The following CELF2 variants were observed in gnomAD, a reference collection of about 807,000 sequenced individuals.
CELF2 encodes the protein CUGBP Elav-like family member 2.
Under a neutral mutation model 62.6 loss-of-function variants are expected in CELF2, and 8 were observed. That is an observed-to-expected ratio of 0.13 (90% confidence interval 0.07 to 0.23). The LOEUF (loss-of-function observed/expected upper bound fraction) is 0.23. Ranked by LOEUF, CELF2 falls within the 10% of genes least tolerant of loss-of-function variation. CELF2 has a pLI of 1.00. For synonymous variants in CELF2, 258 were observed against 250.0 expected, an observed-to-expected ratio of 1.03 and a Z score of -0.30; for missense variants, 333 against 671.0, an observed-to-expected ratio of 0.50 and a Z score of 5.56.
chr10:10,827,385 A>G (rs1016307500), intron 1 of CELF2, among the ~76,000 whole-genome samples: 9 of 152,158 alleles, frequency 5.9e-5, no homozygotes, highest in African/African-American at 2.2e-4. Flanking sequence ...CCTTCTGAGG[A>G]TAAGTAGGGA....
At chr10:10,879,895 C>T (rs958046376) in intron 1 of CELF2, among the ~76,000 whole-genome samples, 11 of 152,302 alleles carry the variant, frequency 7.2e-5, no homozygotes, top group African/African-American at 2.4e-4. Context: ...ACAGTAATGG[C>T]ATCACGGAGG....
the CELF2 span, among the ~76,000 whole-genome samples, chr10:10,653,575 G>T: frequency 7.7e-6 from 1 of 129,754 alleles, no homozygotes; most frequent in African/African-American, 2.9e-5. Context: ...ACTCAAAACC[G>T]CTCAACTACA....
chr10:10,500,307 A>G, the CELF2 span, among the ~76,000 whole-genome samples: 2 of 152,196 alleles, frequency 1.3e-5, no homozygotes, highest in Non-Finnish European at 2.9e-5. Flanking sequence ...TTTTCCCCTA[A>G]TAGTAACATC....
At chr10:11,197,753 G>A (rs1287693270) in intron 2 of CELF2, among the ~76,000 whole-genome samples, 1 of 152,218 alleles carries the variant, frequency 6.6e-6, no homozygotes, top group African/African-American at 2.4e-5. Flanking sequence ...TTGGGTGCAT[G>A]TATGCAAAAT....
chr10:11,317,742 C>T (rs2095133249), intron 10 of CELF2: 1 of 152,240 alleles, frequency 6.6e-6, no homozygotes, highest in East Asian at 1.9e-4. Flanking sequence ...TCAGTCATCT[C>T]CCAGCTCCTG....
At chr10:10,988,792 G>A (rs980295672) in intron 2 of CELF2, among the ~76,000 whole-genome samples, 1 of 152,146 alleles carries the variant, frequency 6.6e-6, no homozygotes, top group Non-Finnish European at 1.5e-5. Flanking sequence ...TTGGGTAAGA[G>A]ATGAGCAAGG....
At chr10:10,775,410 A>G in the CELF2 span, among the ~76,000 whole-genome samples, 5 of 151,774 alleles carry the variant, frequency 3.3e-5, no homozygotes, top group Non-Finnish European at 5.9e-5. Flanking sequence ...GCAGGCAATG[A>G]CTTCAGATCA....
intron 1 of CELF2, among the ~76,000 whole-genome samples, chr10:10,869,522 C>T (rs2060599804): frequency 6.6e-6 from 1 of 151,992 alleles, no homozygotes; most frequent in Non-Finnish European, 1.5e-5. Flanking sequence ...AGATCACCAC[C>T]CCACTGCACT....
intron 3 of CELF2, among the ~76,000 whole-genome samples, chr10:11,225,200 T>C (rs746486241): frequency 3.9e-5 from 6 of 152,252 alleles, no homozygotes; most frequent in Non-Finnish European, 7.4e-5. Flanking sequence ...CAGTAAACGG[T>C]GCGTGTGGAG....
the CELF2 span, among the ~76,000 whole-genome samples, chr10:10,759,248 C>G: frequency 1.3e-5 from 2 of 151,208 alleles, no homozygotes; most frequent in Non-Finnish European, 2.9e-5. Flanking sequence ...ATAAAGCAGG[C>G]ATCTCTGAGT....
In CELF2 at chr10:11,165,737, T is replaced by TG; in HGVS notation, c.271+59dup. ...CGTCCAGGTGGGCGTCGCGGGGCACTGGGGCTGTCCGAGCCCCCAGCCTGC... is the reference window on the plus strand; with the variant it reads ...CGTCCAGGTGGGCGTCGCGGGGCACTGGGGGCTGTCCGAGCCCCCAGCCTGC... On this transcript the variant is annotated intron_variant, in intron 2 of 12. Transcript: ENST00000633077. This position sits in a 1 kb window ranked among gnomAD's most constrained non-coding sequence, Gnocchi z 7.4. 1 of 1,509,200 alleles carries TG rather than the reference T, an allele frequency of 6.6e-7. No individual in the cohort carries two copies. Among genetic ancestry groups the TG allele is most frequent in the East Asian group, 2.4e-5 (1 of 41,536 alleles). The allele number at this position is 1,509,200 out of a possible 1,614,324, so 93.5% of individuals were successfully genotyped here. A position where few individuals can be genotyped will look rare whatever the true frequency, so the allele number is the denominator to read the frequency against.
At chr10:11,112,447 A>G (rs578241615) in intron 1 of CELF2, among the ~76,000 whole-genome samples, 1 of 152,238 alleles carries the variant, frequency 6.6e-6, no homozygotes, top group Non-Finnish European at 1.5e-5. Context: ...GTACACACAT[A>G]CACAGTACAC....
chr10:10,521,889 T>C, the CELF2 span, among the ~76,000 whole-genome samples: 1 of 152,190 alleles, frequency 6.6e-6, no homozygotes, highest in Admixed American at 6.5e-5. Flanking sequence ...ACCAGGGAAC[T>C]CTACATACTC....
intron 1 of CELF2, among the ~76,000 whole-genome samples, chr10:10,910,356 T>C (rs1033909041): frequency 6.6e-6 from 1 of 152,140 alleles, no homozygotes. Context: ...AAAAATACAC[T>C]TCTGTTGGTT....
chr10:10,964,994 G>T (rs1174500482), intron 2 of CELF2, among the ~76,000 whole-genome samples: 1 of 152,002 alleles, frequency 6.6e-6, no homozygotes, highest in Non-Finnish European at 1.5e-5. Context: ...AAAAAACTGT[G>T]CAGTCATTGT....
At chr10:11,171,741 A>G (rs1013368384) in intron 2 of CELF2, among the ~76,000 whole-genome samples, 11 of 152,236 alleles carry the variant, frequency 7.2e-5, no homozygotes, top group Admixed American at 7.2e-4. Context: ...AGTAGAAATA[A>G]TACCCACTTC....
chr10:11,178,835 T>C lies in CELF2; in HGVS notation c.271+13153T>C, dbSNP rs552225454. Among the ~76,000 whole-genome samples the C allele has an allele frequency of 6.6e-6, 1 of 152,320 alleles. No homozygotes were observed. Among genetic ancestry groups the C allele is most frequent in the East Asian group, 1.9e-4 (1 of 5,188 alleles). On this transcript the variant is annotated intron_variant, in intron 2 of 12. Transcript: ENST00000633077. The surrounding 1 kb of genome is among the most constrained non-coding windows in gnomAD (Gnocchi z 4.3). The stretch of plus-strand genomic sequence containing the variant: ...AGCTGAGTGAGTCTATGAAAACCCA[T>C]TGGTCGGGCTGCCCTAGCAACACAG...
chr10:10,667,492 A>G, the CELF2 span, among the ~76,000 whole-genome samples: 1 of 152,240 alleles, frequency 6.6e-6, no homozygotes, highest in Non-Finnish European at 1.5e-5. Context: ...TGCCAGGCTG[A>G]TCACGACTAT....
rs577233700 is a variant in CELF2 at position 11,217,436 on chromosome 10, G to A, written c.283G>A (p.Val95Ile). 14 of 1,611,810 alleles carry A rather than the reference G, an allele frequency of 8.7e-6. No homozygotes were observed. Among genetic ancestry groups the A allele is most frequent in the Middle Eastern group, 1.7e-4 (1 of 6,058 alleles). ...NPPQSKGCCF[V>I]TFYTRKAALE... The stretch of plus-strand genomic sequence containing the variant: ...ATTTCTCTCTGTAGGTTGTTGTTTC[G>A]TAACATTTTATACAAGAAAAGCTGC... The change falls in exon 3 of 13, where the codon GTA (valine) becomes ATA (isoleucine). Residue 95 changes from valine (V) to isoleucine (I), a missense_variant. By Grantham distance (29) the Val-to-Ile change is conservative (BLOSUM62 3). This residue lies in a region of CELF2 where 253 missense variants were observed against 503.0 expected (regional missense o/e 0.50). Transcript: ENST00000633077. This position sits in a 1 kb window ranked among gnomAD's most constrained non-coding sequence, Gnocchi z 5.6.
Sources: allele counts gnomAD v4.1 joint callset (sites outside exome capture counted in the v4.1 genomes callset), GRCh38; gene constraint gnomAD v4.1.1; regional missense constraint gnomAD v4.1.1; non-coding constraint Gnocchi (gnomAD v3.1); transcripts MANE v1.5; gene names NCBI Gene and HGNC (gene_info 2026-07-23, HGNC 2026-07-21).